PCBP3: variants seen among roughly 807,000 people sequenced by gnomAD.
PCBP3 encodes poly(rC) binding protein 3, also known as poly(rC)-binding protein 3.
Under a neutral mutation model 52.7 loss-of-function variants are expected in PCBP3, and 25 were observed. The observed-to-expected ratio is 0.47, with a 90% CI of 0.35 to 0.66. The LOEUF (loss-of-function observed/expected upper bound fraction) is 0.66. PCBP3 is among the 30% of genes least tolerant of loss of function. PCBP3 has a pLI of 0.01. For synonymous variants in PCBP3, 162 were observed against 183.0 expected, an observed-to-expected ratio of 0.89 and a Z score of 0.93; for missense variants, 391 against 490.3, an observed-to-expected ratio of 0.80 and a Z score of 1.91.
Position 45,901,103 on chromosome 21 carries a change from A to C in PCBP3, c.329A>C (p.Lys110Thr). ...IFKAFAMIAY[K>T]FEEDIINSMS... ...AAGGCCTTTGCCATGATCGCATACA[A>C]GTTTGAGGAGGTAACCTGCACCCCA... Residue 110 changes from lysine (K) to threonine (T), a missense_variant, in exon 9 of 18, where the codon AAG (lysine) becomes ACG (threonine). Lys to Thr is a moderately conservative substitution (Grantham distance 78, BLOSUM62 -1). Transcript: ENST00000681687. 6.2e-7 allele frequency: 1 copy of C among 1,610,764 alleles called. No homozygotes were observed. Among genetic ancestry groups the C allele is most frequent in the Non-Finnish European group, 8.5e-7 (1 of 1,177,130 alleles).
chr21:45,772,128 A>G (rs2089918799), intron 4 of PCBP3, among the ~76,000 whole-genome samples: 2 of 152,044 alleles, frequency 1.3e-5, no homozygotes, highest in South Asian at 4.2e-4. Context: ...AAATACATTC[A>G]CCCTACTCTG....
intron 6 of PCBP3, among the ~76,000 whole-genome samples, chr21:45,896,874 G>A (rs1169064026): frequency 0.01 from 449 of 43,352 alleles, no homozygotes; most frequent in East Asian, 0.048. Context: ...AAAGGCGGCC[G>A]CGGCACATAG....
chr21:45,718,802 C>T lies in PCBP3; in HGVS notation c.-199-16590C>T, dbSNP rs567015280. Among the ~76,000 whole-genome samples the T allele has an allele frequency of 6.6e-5, 10 of 152,114 alleles. No homozygotes were observed. The East Asian group carries it at 7.7e-4, about 12-fold the overall frequency. ...CTGCCATTCTCACAGATGCCATCTG[C>T]GTCCTATGTTTTATAATGAACACTT... On this transcript the variant is annotated intron_variant, in intron 2 of 17. Coordinates refer to ENST00000681687, the MANE Select transcript of PCBP3 (RefSeq NM_001384156.1).
intron 4 of PCBP3, among the ~76,000 whole-genome samples, chr21:45,781,473 C>T (rs561450738): frequency 1.6e-4 from 25 of 152,294 alleles, no homozygotes; most frequent in Non-Finnish European, 3.2e-4. Context: ...AGAAACCACT[C>T]GGTGTAACTG....
In PCBP3 at chr21:45,924,180, G is replaced by A. The variant is rs368504104; in HGVS notation, c.718-5737G>A. Reference sequence around the variant, plus strand: ...AGATGTGAACACTGGGAACAGTCGCGTGGGTAGAAACAGCACACGTAAGGT... The same window carrying A: ...AGATGTGAACACTGGGAACAGTCGCATGGGTAGAAACAGCACACGTAAGGT... On this transcript the variant is annotated intron_variant, in intron 13 of 17. Transcript: ENST00000681687. Among the ~76,000 whole-genome samples, 237 of 75,226 alleles carry A rather than the reference G, an allele frequency of 3.2e-3. 29 individuals carry two copies. Among genetic ancestry groups the A allele is most frequent in the South Asian group, 6.1e-3 (13 of 2,128 alleles). 49.4% of individuals were successfully genotyped at this position (75,226 alleles called of 152,430 possible). A position where few individuals can be genotyped will look rare whatever the true frequency, so the allele number is the denominator to read the frequency against.
intron 4 of PCBP3, among the ~76,000 whole-genome samples, chr21:45,841,127 C>T (rs762583190): frequency 7.1e-4 from 108 of 152,242 alleles, no homozygotes; most frequent in Non-Finnish European, 1.4e-3. Flanking sequence ...GTATATTCTA[C>T]GATATTTGCA....
intron 4 of PCBP3, among the ~76,000 whole-genome samples, chr21:45,806,744 C>T (rs538597055): frequency 8.0e-4 from 122 of 152,148 alleles, no homozygotes; most frequent in South Asian, 1.3e-3. Context: ...CCACACCCCA[C>T]GGAACATCTC....
chr21:45,710,638 A>C lies in PCBP3; in HGVS notation c.-199-24754A>C, dbSNP rs879911580. Reference sequence around the variant, plus strand: ...TCACAATAGCAAAGACTTGGAACCAACCCAAATAACTCTTCTTTTTTTCTC... The same window carrying C: ...TCACAATAGCAAAGACTTGGAACCACCCCAAATAACTCTTCTTTTTTTCTC... On this transcript the variant is annotated intron_variant, in intron 2 of 17. Transcript: ENST00000681687. Among the ~76,000 whole-genome samples, 14 of 152,240 alleles carry C rather than the reference A, an allele frequency of 9.2e-5. No individual in the cohort carries two copies. The South Asian group carries it at 1.2e-3, about 14-fold the overall frequency.
rs556296272 is a variant in PCBP3 at position 45,892,437 on chromosome 21, C to T, written c.11-3771C>T. ...CTGAGAAAGGGGAGCTGCAAGTGCACGTGAGGGGCGCAGTCCCGTCTCTGA... is the reference window on the plus strand; with the variant it reads ...CTGAGAAAGGGGAGCTGCAAGTGCATGTGAGGGGCGCAGTCCCGTCTCTGA... On this transcript the variant is annotated intron_variant, in intron 5 of 17. Transcript: ENST00000681687. Among the ~76,000 whole-genome samples the T allele has an allele frequency of 7.6e-4, 80 of 105,256 alleles. 1 individual carries two copies. Among genetic ancestry groups the T allele is most frequent in the African/African-American group, 3.4e-3 (70 of 20,488 alleles). The allele number at this position is 105,256 out of a possible 152,430, so 69.1% of individuals were successfully genotyped here. A position where few individuals can be genotyped will look rare whatever the true frequency, so the allele number is the denominator to read the frequency against.
intron 6 of PCBP3, among the ~76,000 whole-genome samples, chr21:45,898,567 GCCA>G (rs2095908955): frequency 1.8e-5 from 1 of 54,506 alleles, no homozygotes; most frequent in African/African-American, 5.3e-5. Flanking sequence ...CCCTCTACAC[GCCA>G]TCCTCACAGC....
chr21:45,889,651 C>T (rs1346687743), intron 5 of PCBP3, among the ~76,000 whole-genome samples: 1 of 152,232 alleles, frequency 6.6e-6, no homozygotes, highest in African/African-American at 2.4e-5. Context: ...TGCGTCTTTC[C>T]CTAGCTTGGG....
intron 6 of PCBP3, among the ~76,000 whole-genome samples, chr21:45,898,138 C>T (rs991643905): frequency 4.6e-5 from 7 of 152,192 alleles, no homozygotes; most frequent in African/African-American, 1.2e-4. Context: ...GGAGCCAAGG[C>T]GCATGGTAAA....
At chr21:45,782,123 T>G (rs12626379) in intron 4 of PCBP3, among the ~76,000 whole-genome samples, 13,888 of 152,188 alleles carry the variant, frequency 0.091, 760 homozygotes, top group East Asian at 0.21. Flanking sequence ...TCTCAATTAT[T>G]TTTTAACCAT....
intron 2 of PCBP3, among the ~76,000 whole-genome samples, chr21:45,690,979 A>G (rs2082427045): frequency 6.6e-6 from 1 of 152,150 alleles, no homozygotes; most frequent in Admixed American, 6.5e-5. Context: ...ATACCGTAGC[A>G]CTTACCGTAT....
chr21:45,648,314 G>A (rs1603075188), intron 1 of PCBP3, among the ~76,000 whole-genome samples: 1 of 152,342 alleles, frequency 6.6e-6, no homozygotes, highest in Admixed American at 6.5e-5. Context: ...TGATTAGATT[G>A]GTTTTAGAAG....
intron 5 of PCBP3, among the ~76,000 whole-genome samples, chr21:45,862,348 CTTTT>C: frequency 6.6e-6 from 1 of 152,210 alleles, no homozygotes; most frequent in South Asian, 2.1e-4. Context: ...AATCTGCTCC[CTTTT>C]ATGCAGACTT....
At chr21:45,726,983 C>T (rs748573816) in intron 2 of PCBP3, among the ~76,000 whole-genome samples, 18 of 152,114 alleles carry the variant, frequency 1.2e-4, no homozygotes, top group Non-Finnish European at 2.2e-4. Context: ...CCTGACTTTT[C>T]ATTTTTATAA....
At chr21:45,862,752 C>CGA (rs1038211920) in intron 5 of PCBP3, among the ~76,000 whole-genome samples, 6 of 152,196 alleles carry the variant, frequency 3.9e-5, no homozygotes, top group African/African-American at 9.7e-5. Context: ...AGCCTGTCCC[C>CGA]GACGAAACCG....
intron 9 of PCBP3, among the ~76,000 whole-genome samples, chr21:45,903,262 C>T (rs1324957769): frequency 2.6e-5 from 4 of 152,096 alleles, no homozygotes; most frequent in African/African-American, 4.8e-5. Flanking sequence ...GTTTCTCCCT[C>T]GTGGCCAGGG....
Sources: allele counts gnomAD v4.1 joint callset (sites outside exome capture counted in the v4.1 genomes callset), GRCh38; gene constraint gnomAD v4.1.1; transcripts MANE v1.5; gene names NCBI Gene and HGNC (gene_info 2026-07-23, HGNC 2026-07-21).